The following CLPB variants were observed in gnomAD, a reference collection of about 807,000 sequenced individuals.
CLPB encodes the protein ClpB family mitochondrial disaggregase.
In CLPB, 40 loss-of-function variants were observed where a neutral mutation model predicts 78.4. The observed-to-expected ratio is 0.51, with a 90% CI of 0.40 to 0.66. The LOEUF is 0.66. Among genes scored for constraint, CLPB ranks in the 30% least tolerant of loss-of-function variants. The probability of loss-of-function intolerance (pLI) is 0.00; values close to 1 mark genes in which losing one functional copy is unlikely to be tolerated. For synonymous variants in CLPB, 333 were observed against 348.0 expected, an observed-to-expected ratio of 0.96 and a Z score of 0.48; for missense variants, 780 against 886.9, an observed-to-expected ratio of 0.88 and a Z score of 1.53.
chr11:72,346,700 G>A (rs1282266069), intron 5 of CLPB, among the ~76,000 whole-genome samples: 3 of 151,826 alleles, frequency 2.0e-5, no homozygotes, highest in Non-Finnish European at 4.4e-5. Context: ...AGTACCCACC[G>A]AGCGTGGTGG....
chr11:72,382,541 T>C (rs1854948461), intron 3 of CLPB, among the ~76,000 whole-genome samples: 3 of 151,632 alleles, frequency 2.0e-5, no homozygotes, highest in African/African-American at 7.3e-5. Flanking sequence ...AATCAATAGG[T>C]CCACTCCAGT....
chr11:72,419,873 C>A (rs1032177719), intron 2 of CLPB, among the ~76,000 whole-genome samples: 2 of 152,184 alleles, frequency 1.3e-5, no homozygotes, highest in African/African-American at 4.8e-5. Flanking sequence ...AGGCTTTGAG[C>A]TCCATGAGGC....
At chr11:72,304,697 C>A (rs1949715900) in intron 9 of CLPB, among the ~76,000 whole-genome samples, 1 of 152,222 alleles carries the variant, frequency 6.6e-6, no homozygotes, top group Non-Finnish European at 1.5e-5. Context: ...CTGGAGGTGT[C>A]AGTGTCTCTT....
chr11:72,405,788 C>T (rs942997401), intron 2 of CLPB, among the ~76,000 whole-genome samples: 18 of 152,006 alleles, frequency 1.2e-4, no homozygotes, highest in African/African-American at 4.3e-4. Flanking sequence ...ATTAGCCGGG[C>T]GTGGTGGCAG....
At chr11:72,333,431 C>T (rs1039129569) in intron 5 of CLPB, among the ~76,000 whole-genome samples, 1 of 152,240 alleles carries the variant, frequency 6.6e-6, no homozygotes, top group Non-Finnish European at 1.5e-5. Context: ...AATAGTTTCC[C>T]TCTTTATATT....
At chr11:72,419,012 C>G (rs1477074565) in intron 2 of CLPB, among the ~76,000 whole-genome samples, 1 of 152,062 alleles carries the variant, frequency 6.6e-6, no homozygotes, top group Non-Finnish European at 1.5e-5. Context: ...CATAGTAGAG[C>G]CTCAAAGTTC....
At position 72,287,693 on chromosome 11, in the gene CLPB, C is replaced by T. The variant is rs1276390894; in HGVS notation, c.*5674G>A. 3 of 152,212 alleles carry T rather than the reference C, an allele frequency of 2.0e-5. No individual in the cohort carries two copies. The highest frequency in any genetic ancestry group is 4.4e-5 in the Non-Finnish European group (3 of 68,048). The allele number at this position is 152,212 out of a possible 1,614,324, so 9.4% of individuals were successfully genotyped here. A position where few individuals can be genotyped will look rare whatever the true frequency, so the allele number is the denominator to read the frequency against. On this transcript the variant is annotated 3_prime_UTR_variant, in exon 16 of 16. Coordinates refer to ENST00000538039, the MANE Select transcript of CLPB (RefSeq NM_001258392.3). ...CTCAAAAAGGATAAAATTTTAACCA[C>T]CTTTCCAGTTTCTTCTTGGGTAACC...
At chr11:72,376,647 T>C (rs1565471090) in intron 4 of CLPB, among the ~76,000 whole-genome samples, 1 of 95,538 alleles carries the variant, frequency 1.0e-5, no homozygotes, top group Non-Finnish European at 2.8e-5. Flanking sequence ...GACGTTATTA[T>C]TATTATTTTT....
chr11:72,311,483 A>G (rs1949846032), intron 7 of CLPB, among the ~76,000 whole-genome samples: 1 of 152,196 alleles, frequency 6.6e-6, no homozygotes, highest in Non-Finnish European at 1.5e-5. Context: ...ACATGCACGC[A>G]GAAGTTAGGT....
At chr11:72,360,770 C>T (rs903005046) in intron 4 of CLPB, among the ~76,000 whole-genome samples, 1 of 152,216 alleles carries the variant, frequency 6.6e-6, no homozygotes, top group African/African-American at 2.4e-5. Context: ...ACCTTCTATA[C>T]TATGCCTGAC....
intron 2 of CLPB, among the ~76,000 whole-genome samples, chr11:72,418,763 G>A (rs958366012): frequency 1.3e-5 from 2 of 150,890 alleles, no homozygotes; most frequent in African/African-American, 2.4e-5. Context: ...GCTGAGCCAG[G>A]AGAATCGCTT....
At chr11:72,392,658 A>AGAC (rs1855287674) in intron 3 of CLPB, among the ~76,000 whole-genome samples, 1 of 152,242 alleles carries the variant, frequency 6.6e-6, no homozygotes. Context: ...GCAGTGTGTT[A>AGAC]GACACTTTAT....
At chr11:72,356,382 G>A (rs976550198) in intron 5 of CLPB, among the ~76,000 whole-genome samples, 4 of 151,932 alleles carry the variant, frequency 2.6e-5, no homozygotes, top group African/African-American at 9.7e-5. Flanking sequence ...AAAGACTCTG[G>A]AAATATTACT....
intron 1 of CLPB, 74 bp downstream of exon 1, chr11:72,433,998 C>A: frequency 6.5e-7 from 1 of 1,535,406 alleles, no homozygotes; most frequent in East Asian, 2.3e-5. Flanking sequence ...ATAAGTACCT[C>A]CCACCCTCCT....
At chr11:72,400,338 G>A (rs533571384) in intron 3 of CLPB, among the ~76,000 whole-genome samples, 10 of 152,230 alleles carry the variant, frequency 6.6e-5, no homozygotes, top group African/African-American at 2.4e-4. Flanking sequence ...TGGATAATTA[G>A]TCCTAGGAAC....
At chr11:72,398,488 C>T (rs879200586) in intron 3 of CLPB, among the ~76,000 whole-genome samples, 2 of 152,144 alleles carry the variant, frequency 1.3e-5, no homozygotes, top group South Asian at 2.1e-4. Flanking sequence ...AAAGCATCAC[C>T]GAGAGGTTGT....
At chr11:72,316,886 A>G (rs1181790876) in intron 7 of CLPB, among the ~76,000 whole-genome samples, 1 of 152,220 alleles carries the variant, frequency 6.6e-6, no homozygotes, top group Admixed American at 6.5e-5. Context: ...TGGCTTCCTC[A>G]GCAGTAAAAT....
intron 4 of CLPB, among the ~76,000 whole-genome samples, chr11:72,361,769 T>C (rs1054254883): frequency 6.6e-6 from 1 of 152,186 alleles, no homozygotes; most frequent in African/African-American, 2.4e-5. Context: ...ATTCAACATT[T>C]AATGAGCACC....
intron 2 of CLPB, among the ~76,000 whole-genome samples, chr11:72,406,485 T>G (rs1042723039): frequency 6.6e-6 from 1 of 152,216 alleles, no homozygotes; most frequent in Admixed American, 6.5e-5. Flanking sequence ...AAATCAACAC[T>G]AATTTTCAGT....
Sources: gnomAD v4.1 joint callset for allele counts (sites outside exome capture counted in the v4.1 genomes callset) on GRCh38, gnomAD v4.1.1 for gene constraint, MANE v1.5 for transcripts, NCBI Gene and HGNC (gene_info 2026-07-23, HGNC 2026-07-21) for gene names.